The following RFC3 variants were observed in gnomAD, a reference collection of about 807,000 sequenced individuals.
The protein encoded by RFC3 is replication factor C subunit 3, also known as A1 38 kDa subunit.
In RFC3, 41 loss-of-function variants were observed where a neutral mutation model predicts 45.1. That is an observed-to-expected ratio of 0.91 (90% CI 0.71 to 1.18). The LOEUF (loss-of-function observed/expected upper bound fraction) is 1.18. Ranked by LOEUF, RFC3 falls within the 50% of genes most tolerant of loss-of-function variation. The probability of loss-of-function intolerance (pLI) is 0.00; values close to 1 mark genes in which losing one functional copy is unlikely to be tolerated. For missense variants in RFC3, 423 were observed against 428.1 expected, an observed-to-expected ratio of 0.99 and a Z score of 0.10; for synonymous variants, 149 against 144.0, an observed-to-expected ratio of 1.03 and a Z score of -0.25.
chr13:33,875,379 G>C (rs1319131525), intron 8 of RFC3, among the ~76,000 whole-genome samples: 1 of 152,208 alleles, frequency 6.6e-6, no homozygotes, highest in Non-Finnish European at 1.5e-5. Context: ...CCTGCAGAAT[G>C]ACGAAGCATT....
intron 8 of RFC3, among the ~76,000 whole-genome samples, chr13:33,878,947 G>C (rs2082465102): frequency 6.6e-6 from 1 of 152,112 alleles, no homozygotes; most frequent in African/African-American, 2.4e-5. Context: ...AAGCATAAAA[G>C]GGGATGAGTG....
intron 7 of RFC3, among the ~76,000 whole-genome samples, chr13:33,834,198 G>A (rs1213635489): frequency 2.0e-5 from 3 of 146,550 alleles, no homozygotes; most frequent in Non-Finnish European, 4.5e-5. Flanking sequence ...ATGTGCCAGG[G>A]CTTCATATTC....
At chr13:33,820,871 A>G (rs2081995609) in intron 1 of RFC3, among the ~76,000 whole-genome samples, 1 of 150,514 alleles carries the variant, frequency 6.6e-6, no homozygotes, top group Admixed American at 6.6e-5. Flanking sequence ...GTTATACAAA[A>G]TTAGTGTCAG....
downstream of RFC3, among the ~76,000 whole-genome samples, chr13:33,840,668 A>G (rs2082191446): frequency 6.6e-6 from 1 of 151,184 alleles, no homozygotes; most frequent in African/African-American, 2.4e-5. Context: ...AGAAGTCTGA[A>G]CTGTGTGTAT....
At chr13:33,871,451 A>C (rs1350186029) in intron 8 of RFC3, among the ~76,000 whole-genome samples, 1 of 151,350 alleles carries the variant, frequency 6.6e-6, no homozygotes, top group African/African-American at 2.4e-5. Flanking sequence ...TTATCATCCC[A>C]CCTCCTGACT....
At chr13:33,925,688 TATAC>T (rs1194107553) in intron 8 of RFC3, among the ~76,000 whole-genome samples, 1 of 138,344 alleles carries the variant, frequency 7.2e-6, no homozygotes, top group African/African-American at 3.0e-5. Flanking sequence ...TGTATGTATA[TATAC>T]ACACACACAC....
chr13:33,871,222 A>C (rs781517790), intron 8 of RFC3, among the ~76,000 whole-genome samples: 35 of 152,306 alleles, frequency 2.3e-4, no homozygotes, highest in Middle Eastern at 3.4e-3. Context: ...AAATAACCAT[A>C]AATCAAGTGG....
At chr13:33,965,169 G>A (rs977801582) in intron 8 of RFC3, among the ~76,000 whole-genome samples, 8 of 152,148 alleles carry the variant, frequency 5.3e-5, no homozygotes, top group African/African-American at 1.9e-4. Flanking sequence ...AGAGAAGCAG[G>A]TTCTAGAGTT....
At chr13:33,859,718 A>G (rs1333444419) in intron 8 of RFC3, among the ~76,000 whole-genome samples, 1 of 152,204 alleles carries the variant, frequency 6.6e-6, no homozygotes, top group Non-Finnish European at 1.5e-5. Flanking sequence ...TGAAATAAAA[A>G]ATAAAGTTGC....
At chr13:33,820,339 A>G (rs569116177) in intron 1 of RFC3, among the ~76,000 whole-genome samples, 1 of 152,352 alleles carries the variant, frequency 6.6e-6, no homozygotes, top group East Asian at 1.9e-4. Flanking sequence ...CACCCATAGT[A>G]GATTTGAAAT....
At chr13:33,945,358 G>T (rs1222248887) in intron 8 of RFC3, among the ~76,000 whole-genome samples, 2 of 152,240 alleles carry the variant, frequency 1.3e-5, no homozygotes, top group East Asian at 3.9e-4. Context: ...CCTTACGAGG[G>T]ATTCTGATTC....
At position 33,835,161 on chromosome 13, in the gene RFC3, C is replaced by T. The variant is rs761845498; in HGVS notation, c.823C>T (p.Arg275Cys). 2.5e-6 allele frequency: 4 copies of T among 1,605,434 alleles called. No homozygotes were observed. Among genetic ancestry groups the T allele is most frequent in the Non-Finnish European group, 1.7e-6 (2 of 1,173,898 alleles). ...TGTTTTATGTAGGCTCCTTGAAGTT[C>T]GTGGAAGGCTGTATGAGCTTCTAAC... Reference protein sequence around the residue: ...QQTPQRLLEVRGRLYELLTHC... With the variant: ...QQTPQRLLEVCGRLYELLTHC... Residue 275 changes from arginine (R) to cysteine (C), a missense_variant, in exon 8 of 9, where the codon CGT becomes TGT. Coordinates refer to ENST00000380071, the MANE Select transcript of RFC3 (RefSeq NM_002915.4).
chr13:33,937,254 C>T (rs1216141162), intron 8 of RFC3, among the ~76,000 whole-genome samples: 1 of 152,092 alleles, frequency 6.6e-6, no homozygotes, highest in Non-Finnish European at 1.5e-5. Flanking sequence ...ACATTCAGTA[C>T]AGTGACATGC....
intron 8 of RFC3, among the ~76,000 whole-genome samples, chr13:33,960,103 AC>A (rs1263898131): frequency 1.8e-4 from 27 of 151,398 alleles, no homozygotes; most frequent in African/African-American, 6.6e-4. Flanking sequence ...TGAGAAATCC[AC>A]CCCCATGATC....
chr13:33,967,493 T>TTC (rs1463823939), downstream of RFC3, among the ~76,000 whole-genome samples: 1 of 148,248 alleles, frequency 6.7e-6, no homozygotes, highest in Non-Finnish European at 1.5e-5. Context: ...ATTCTTTTTT[T>TTC]TTTTTTTTTT....
intron 8 of RFC3, among the ~76,000 whole-genome samples, chr13:33,866,081 A>G (rs2082371657): frequency 6.6e-6 from 1 of 151,862 alleles, no homozygotes; most frequent in Non-Finnish European, 1.5e-5. Flanking sequence ...ACAAAATGAA[A>G]CTCGGTGTAC....
chr13:33,947,826 C>T (rs982390867), intron 8 of RFC3, among the ~76,000 whole-genome samples: 3 of 152,158 alleles, frequency 2.0e-5, no homozygotes, highest in African/African-American at 7.2e-5. Flanking sequence ...CATTTTGGCC[C>T]TGTCCTAGAG....
intron 8 of RFC3, among the ~76,000 whole-genome samples, chr13:33,899,204 C>CAGAAAAAAAAAAAAAAAAA (rs2082621737): frequency 1.9e-5 from 1 of 51,968 alleles, no homozygotes; most frequent in Non-Finnish European, 3.6e-5. Context: ...CACAATAAGA[C>CAGAAAAAAAAAAAAAAAAA]AAAAAAAAAA....
At chr13:33,924,958 C>G (rs954241975) in intron 8 of RFC3, among the ~76,000 whole-genome samples, 1 of 150,238 alleles carries the variant, frequency 6.7e-6, no homozygotes, top group Non-Finnish European at 1.5e-5. Context: ...GATGTGTTAA[C>G]TAACTTAATC....
Sources: allele counts gnomAD v4.1 joint callset (sites outside exome capture counted in the v4.1 genomes callset), GRCh38; gene constraint gnomAD v4.1.1; transcripts MANE v1.5; gene names NCBI Gene and HGNC (gene_info 2026-07-23, HGNC 2026-07-21).